MBP: variants seen among roughly 807,000 people sequenced by gnomAD.
MBP encodes Golli-MBP.
A neutral mutation model predicts 35.8 loss-of-function variants in MBP; 16 were observed. The observed-to-expected ratio is 0.45, with a 90% CI of 0.30 to 0.68. The LOEUF (loss-of-function observed/expected upper bound fraction) is 0.68, where lower values mean the gene tolerates loss of function less well. Among genes scored for constraint, MBP ranks in the 30% least tolerant of loss-of-function variants. The pLI is 0.08. For synonymous variants in MBP, 143 were observed against 159.6 expected (o/e 0.90, Z 0.78); for missense variants, 380 against 404.7 (o/e 0.94, Z 0.52).
chr18:77,095,015 A>C (rs1975701377), intron 2 of MBP, among the ~76,000 whole-genome samples: 1 of 152,212 alleles, frequency 6.6e-6, no homozygotes, highest in South Asian at 2.1e-4. Context: ...TTACCAACAA[A>C]TGCGAGCTGT....
intron 3 of MBP, among the ~76,000 whole-genome samples, chr18:77,022,783 C>G (rs1972044651): frequency 6.6e-6 from 1 of 152,224 alleles, no homozygotes. Flanking sequence ...CAGAGAAGGG[C>G]ATTTTTGTCC....
intron 2 of MBP, among the ~76,000 whole-genome samples, chr18:77,075,037 C>G (rs1974596963): frequency 1.3e-5 from 2 of 152,104 alleles, no homozygotes; most frequent in African/African-American, 4.8e-5. Flanking sequence ...AAAAACAAAC[C>G]TCTAAATAAA....
At chr18:76,992,493 G>A (rs1007582300) in intron 4 of MBP, among the ~76,000 whole-genome samples, 4 of 152,214 alleles carry the variant, frequency 2.6e-5, no homozygotes, top group South Asian at 4.1e-4. Context: ...TTCTTTAAAC[G>A]TTTCTTGCCC....
chr18:77,067,834 A>G (rs1176503603), intron 2 of MBP: 1 of 513,740 alleles, frequency 1.9e-6, no homozygotes, highest in South Asian at 1.4e-5. Flanking sequence ...TTCCTTCTGG[A>G]GAGAGGGGCA....
intron 2 of MBP, among the ~76,000 whole-genome samples, chr18:77,082,050 C>T (rs1410177132): frequency 6.6e-6 from 1 of 151,132 alleles, no homozygotes; most frequent in African/African-American, 2.4e-5. Context: ...GACGGGGTTT[C>T]ACTGTGTTAG....
chr18:77,083,824 G>A (rs998716422), intron 2 of MBP, among the ~76,000 whole-genome samples: 11 of 152,152 alleles, frequency 7.2e-5, no homozygotes, highest in Non-Finnish European at 1.3e-4. Flanking sequence ...GAAGTGAGCC[G>A]GTGATTGCTG....
At chr18:77,037,876 C>T (rs575362815) in intron 3 of MBP, among the ~76,000 whole-genome samples, 4 of 152,198 alleles carry the variant, frequency 2.6e-5, no homozygotes, top group Non-Finnish European at 4.4e-5. Context: ...AGGTCTGCAG[C>T]GTGTTCACCA....
At chr18:77,118,864 CCA>C (rs1976798710) in intron 1 of MBP, among the ~76,000 whole-genome samples, 1 of 151,244 alleles carries the variant, frequency 6.6e-6, no homozygotes, top group South Asian at 2.1e-4. Flanking sequence ...CACACACACT[CCA>C]CAGACACTTC....
chr18:77,105,226 G>A lies in MBP; in HGVS notation c.36C>T (p.Ala12=), dbSNP rs368195905. 6.9e-5 allele frequency: 112 copies of A among 1,612,532 alleles called. No homozygotes were observed. The highest frequency in any genetic ancestry group is 8.9e-5 in the Non-Finnish European group (105 of 1,179,042). The stretch of plus-strand genomic sequence containing the variant: ...CACGTCTTACCGTACTGGCCTTCTC[G>A]GCATTTAATTCTCGTTTGCCTGCGT... The part of the protein sequence containing the change: ...GNHAGKRELN[A]EKASTNSETN... The change falls in exon 2 of 9, where the codon GCC becomes GCT. Residue 12 remains alanine (A), a synonymous_variant. Transcript: ENST00000355994.
In MBP at chr18:76,978,961, G is replaced by A. The variant is rs1369886910; in HGVS notation, c.*1466C>T. On this transcript the variant is annotated 3_prime_UTR_variant, in exon 9 of 9. Coordinates refer to ENST00000355994, the MANE Select transcript of MBP (RefSeq NM_001025101.2). ...ATCGCAGAGCCGACCTCAGCTCAGC[G>A]ACGCAGAGTGCTTCTGCTGAAAAAT... 6.6e-6 allele frequency: 1 copy of A among 152,234 alleles called. No individual in the cohort carries two copies. The highest frequency in any genetic ancestry group is 1.5e-5 in the Non-Finnish European group (1 of 68,046). The allele number at this position is 152,234 out of a possible 1,614,324, so 9.4% of individuals were successfully genotyped here.
At chr18:77,060,892 C>G (rs1305590602) in intron 3 of MBP, among the ~76,000 whole-genome samples, 1 of 152,254 alleles carries the variant, frequency 6.6e-6, no homozygotes. Flanking sequence ...AATGGTCACA[C>G]CTGCCTGTTT....
At chr18:77,026,520 C>T (rs1972231763) in intron 3 of MBP, among the ~76,000 whole-genome samples, 1 of 152,190 alleles carries the variant, frequency 6.6e-6, no homozygotes, top group African/African-American at 2.4e-5. Flanking sequence ...CTTTTCACTA[C>T]AATTAATTAA....
At chr18:77,083,321 T>A (rs967855482) in intron 2 of MBP, among the ~76,000 whole-genome samples, 1 of 152,146 alleles carries the variant, frequency 6.6e-6, no homozygotes, top group African/African-American at 2.4e-5. Flanking sequence ...TACTTCCTGA[T>A]CAACCCTGAG....
At chr18:77,132,852 A>C (rs1283993567), upstream of MBP, 1 of 151,614 alleles carries the variant, frequency 6.6e-6, no homozygotes, top group African/African-American at 2.4e-5. Flanking sequence ...GCTTCCTGCG[A>C]GCCAGGTAAA....
At chr18:77,056,304 G>A (rs962702326) in intron 3 of MBP, among the ~76,000 whole-genome samples, 1 of 152,196 alleles carries the variant, frequency 6.6e-6, no homozygotes, top group Non-Finnish European at 1.5e-5. Flanking sequence ...CCCGTCCGGG[G>A]GATTAAACCT....
At chr18:76,987,309 TTG>T (rs2123105847) in intron 7 of MBP, 1 of 985,456 alleles carries the variant, frequency 1.0e-6, no homozygotes, top group Admixed American at 6.1e-5. Context: ...AAAAAATTAA[TTG>T]TGAGTACTAG....
intron 3 of MBP, among the ~76,000 whole-genome samples, chr18:77,028,954 C>CA (rs1555717036): frequency 2.8e-5 from 2 of 71,806 alleles, no homozygotes; most frequent in East Asian, 1.1e-3. Context: ...CAGAGGGGCT[C>CA]CATCCCAGAC....
At chr18:77,014,942 AT>A in intron 4 of MBP, 3 of 984,008 alleles carry the variant, frequency 3.0e-6, no homozygotes, top group Non-Finnish European at 3.6e-6. Flanking sequence ...TATTTTTAAA[AT>A]TTTTGAAAGT....
chr18:76,979,983 G>C lies in MBP; in HGVS notation c.*444C>G. 1 of 702,604 alleles carries C rather than the reference G, an allele frequency of 1.4e-6. No homozygotes were observed. Among genetic ancestry groups the C allele is most frequent in the Non-Finnish European group, 2.6e-6 (1 of 385,010 alleles). The allele number at this position is 702,604 out of a possible 1,614,324, so 43.5% of individuals were successfully genotyped here. A position where few individuals can be genotyped will look rare whatever the true frequency, so the allele number is the denominator to read the frequency against. On this transcript the variant is annotated 3_prime_UTR_variant, in exon 9 of 9. Transcript: ENST00000355994. The stretch of plus-strand genomic sequence containing the variant: ...CAGGAAAAAAAAACAAAGGAAGCTT[G>C]GATGTCAACAGTCCTCTCTGCCGCC...
Sources: gnomAD v4.1 joint callset for allele counts (sites outside exome capture counted in the v4.1 genomes callset) on GRCh38, gnomAD v4.1.1 for gene constraint, MANE v1.5 for transcripts, NCBI Gene and HGNC (gene_info 2026-07-23, HGNC 2026-07-21) for gene names.